The following PPP6R1 variants were observed in gnomAD, a reference collection of about 807,000 sequenced individuals.
PPP6R1 encodes serine/threonine-protein phosphatase 6 regulatory subunit 1.
Under a neutral mutation model 104.6 loss-of-function variants are expected in PPP6R1, and 39 were observed. The observed-to-expected ratio is 0.37, with a 90% confidence interval of 0.29 to 0.49. The LOEUF (loss-of-function observed/expected upper bound fraction) is 0.49, where lower values mean the gene tolerates loss of function less well. Ranked by LOEUF, PPP6R1 falls within the 20% of genes least tolerant of loss-of-function variation. The pLI is 0.98. For synonymous variants in PPP6R1, 549 were observed against 479.0 expected (o/e 1.15, Z -1.91); for missense variants, 1,181 against 1,155.8 (o/e 1.02, Z -0.32).
At position 55,258,970 on chromosome 19, in the gene PPP6R1, G is replaced by GC. The variant is rs1460744361; in HGVS notation, c.-543dup. On this transcript the variant is annotated 5_prime_UTR_variant, in exon 1 of 24. Transcript: ENST00000412770. The stretch of plus-strand genomic sequence containing the variant: ...GCTCAATCTCCGGGCTCTGCGGCCG[G>GC]CCTCAGGGCCTCCGACGCCCGGCTC... The GC allele has an allele frequency of 6.6e-6, 1 of 152,202 alleles. No homozygotes were observed. The highest frequency in any genetic ancestry group is 1.5e-5 in the Non-Finnish European group (1 of 68,068). The allele number at this position is 152,202 out of a possible 1,614,324, so 9.4% of individuals were successfully genotyped here. A position where few individuals can be genotyped will look rare whatever the true frequency, so the allele number is the denominator to read the frequency against.
intron 1 of PPP6R1, among the ~76,000 whole-genome samples, chr19:55,256,795 C>A (rs1249852856): frequency 6.6e-6 from 1 of 152,222 alleles, no homozygotes; most frequent in Non-Finnish European, 1.5e-5. Flanking sequence ...CAAGGCTGGG[C>A]AAACGAGCAA....
chr19:55,254,575 C>T (rs1270720877), intron 1 of PPP6R1, among the ~76,000 whole-genome samples: 1 of 152,194 alleles, frequency 6.6e-6, no homozygotes, highest in Non-Finnish European at 1.5e-5. Context: ...CATCTGTCAC[C>T]CCTTCCCAAC....
intron 5 of PPP6R1, among the ~76,000 whole-genome samples, chr19:55,243,390 G>A (rs537406936): frequency 2.1e-5 from 3 of 142,746 alleles, no homozygotes; most frequent in East Asian, 2.0e-4. Context: ...TCTAGACAGA[G>A]CGAGACTCCA....
In PPP6R1 at chr19:55,230,520, C is replaced by G. The variant is rs768544873; in HGVS notation, c.*8G>C. On this transcript the variant is annotated 3_prime_UTR_variant, in exon 24 of 24. Coordinates refer to ENST00000412770, the MANE Select transcript of PPP6R1 (RefSeq NM_014931.4). ...GGAAGATTTGGCCGCCGCTGCCGCA[C>G]CAGGCAGCTATCTGGAAACAGAGGG... The G allele has an allele frequency of 6.2e-7, 1 of 1,613,350 alleles. No homozygotes were observed.
rs183989966 is a variant in PPP6R1, at chr19:55,235,761, G to A, written c.1988+882C>T. The stretch of plus-strand genomic sequence containing the variant: ...TCTTGATCTCCTGACCTCGTGATCC[G>A]CCCGCCTCAGCCTCCCAAAGTGCTG... On this transcript the variant is annotated intron_variant, in intron 17 of 23. Coordinates refer to ENST00000412770, the MANE Select transcript of PPP6R1 (RefSeq NM_014931.4). Among the ~76,000 whole-genome samples the A allele has an allele frequency of 6.4e-3, 969 of 150,618 alleles. 6 individuals are homozygous for A. The highest frequency in any genetic ancestry group is 0.02 in the African/African-American group (834 of 40,960).
At chr19:55,235,519 C>CA (rs1384502711) in intron 17 of PPP6R1, among the ~76,000 whole-genome samples, 1 of 141,992 alleles carries the variant, frequency 7.0e-6, no homozygotes, top group Non-Finnish European at 1.5e-5. Context: ...AATTAGATTC[C>CA]TTTTTTTTTT....
rs751516737 is a variant in PPP6R1, at chr19:55,240,014, G to A, written c.1462C>T (p.Arg488Trp). 17 of 1,603,826 alleles carry A rather than the reference G, an allele frequency of 1.1e-5. No homozygotes were observed. Among genetic ancestry groups the A allele is most frequent in the South Asian group, 3.3e-5 (3 of 89,702 alleles). The change falls in exon 12 of 24, where the codon CGG becomes TGG. Residue 488 changes from arginine to tryptophan, a missense_variant. Arg to Trp is a moderately radical substitution (Grantham distance 101). This residue lies in a region of PPP6R1 where 1,042 missense variants were observed against 955.6 expected (regional missense o/e 1.09). Transcript: ENST00000412770. ...TEKGPNAEQL[R>W]QLLKELPSEQ... ...GGACCCTCACCCTTCAGCAGCTGCC[G>A]CAGCTGCTCTGCATTGGGCCCCTTC...
chr19:55,239,569 C>G, intron 14 of PPP6R1, 25 bp downstream of exon 14: 1 of 1,610,018 alleles, frequency 6.2e-7, no homozygotes, highest in Non-Finnish European at 8.5e-7. Context: ...TAGCCCAGCA[C>G]AGCCCCACAT....
chr19:55,236,834 G>A lies in PPP6R1; in HGVS notation c.1810-13C>T. ...GGTTGGCGTTGGGCTGCAGGGCACA[G>A]GGGTGGGAGGATGGGCCACACTGCC... On this transcript the variant is annotated splice_polypyrimidine_tract_variant and intron_variant, in intron 16 of 23. Transcript: ENST00000412770. 1 of 1,613,924 alleles carries A rather than the reference G, an allele frequency of 6.2e-7. No homozygotes were observed. Among genetic ancestry groups the A allele is most frequent in the Non-Finnish European group, 8.5e-7 (1 of 1,179,796 alleles).
chr19:55,236,275 C>T (rs1283456364), intron 17 of PPP6R1: 4 of 191,876 alleles, frequency 2.1e-5, no homozygotes, highest in Non-Finnish European at 4.3e-5. Context: ...CCACCTCAAC[C>T]TCCCGAGTAG....
At chr19:55,235,651 T>G (rs1382522616) in intron 17 of PPP6R1, among the ~76,000 whole-genome samples, 2 of 151,706 alleles carry the variant, frequency 1.3e-5, no homozygotes, top group Non-Finnish European at 2.9e-5. Flanking sequence ...CCCAAGTCGC[T>G]GGGACCACAG....
At chr19:55,242,335 A>C in intron 6 of PPP6R1, 41 bp downstream of exon 6, 1 of 1,612,356 alleles carries the variant, frequency 6.2e-7, no homozygotes, top group Non-Finnish European at 8.5e-7. Context: ...GGGCTTCCCC[A>C]AGTCAGCTCC....
In PPP6R1 at chr19:55,245,273, C is replaced by T. The variant is rs2087497227; in HGVS notation, c.544G>A (p.Val182Ile). The change falls in exon 4 of 24, where the codon GTT becomes ATT. Residue 182 changes from valine (V) to isoleucine (I), a missense_variant. By Grantham distance (29) the Val-to-Ile change is conservative. Coordinates refer to ENST00000412770, the MANE Select transcript of PPP6R1 (RefSeq NM_014931.4). This position sits in a 1 kb window ranked among gnomAD's most constrained non-coding sequence, Gnocchi z 6.4. Reference protein sequence around the residue: ...CVERPQLRQDVVNWLNEEKIV... With the variant: ...CVERPQLRQDIVNWLNEEKIV... ...GAGCCGGCCCTGCTCACATTGACAACATCCTGCCTCAGCTGAGGCCGCTCC... is the reference window on the plus strand; with the variant it reads ...GAGCCGGCCCTGCTCACATTGACAATATCCTGCCTCAGCTGAGGCCGCTCC... 1.3e-6 allele frequency: 2 copies of T among 1,597,194 alleles called. No homozygotes were observed. The highest frequency in any genetic ancestry group is 4.5e-5 in the East Asian group (2 of 44,044).
chr19:55,256,323 G>C (rs546387719), intron 1 of PPP6R1, among the ~76,000 whole-genome samples: 5 of 152,218 alleles, frequency 3.3e-5, no homozygotes, highest in Admixed American at 1.3e-4. Flanking sequence ...GGTTCTTTTC[G>C]GTGTTGGGGC....
At chr19:55,232,675 G>A (rs1470188316) in intron 17 of PPP6R1, 1 of 161,770 alleles carries the variant, frequency 6.2e-6, no homozygotes. Context: ...AGAGATGGCT[G>A]AGTTTTGCCA....
In PPP6R1 at chr19:55,246,897, A is replaced by T; in HGVS notation, c.207T>A (p.Gly69=). The part of the protein sequence containing the change: ...AWVTQEPPDS[G]EERLRYKYPS... ...CTCACTTGTAGCGCAGCCGCTCCTC[A>T]CCGCTATCTGGCGGCTCCTGGGTGA... Residue 69 remains glycine, a synonymous_variant, in exon 2 of 24, where the codon GGT becomes GGA. Transcript: ENST00000412770. 6.2e-7 allele frequency: 1 copy of T among 1,609,886 alleles called. No homozygotes were observed. The highest frequency in any genetic ancestry group is 8.5e-7 in the Non-Finnish European group (1 of 1,177,888).
chr19:55,231,651 G>T lies in PPP6R1; in HGVS notation c.2324C>A (p.Pro775His). Residue 775 changes from proline (P) to histidine (H), a missense_variant, in exon 20 of 24, where the codon CCC becomes CAC. By Grantham distance (77) the Pro-to-His change is moderately conservative (BLOSUM62 -2). Transcript: ENST00000412770. ...TGTGGCTTCCTGAGGTGCTGAGGGGGGTGTGGGGTCCTGAGACCTGGTAGG... is the reference window on the plus strand; with the variant it reads ...TGTGGCTTCCTGAGGTGCTGAGGGGTGTGTGGGGTCCTGAGACCTGGTAGG... Reference protein sequence around the residue: ...ALQLRSQDPTPPSAPQEATEG... With the variant: ...ALQLRSQDPTHPSAPQEATEG... 6.2e-7 allele frequency: 1 copy of T among 1,609,774 alleles called. No individual in the cohort carries two copies. Among genetic ancestry groups the T allele is most frequent in the Non-Finnish European group, 8.5e-7 (1 of 1,177,910 alleles).
At position 55,236,744 on chromosome 19, in the gene PPP6R1, C is replaced by A; in HGVS notation, c.1887G>T (p.Glu629Asp). The A allele has an allele frequency of 6.2e-7, 1 of 1,613,980 alleles. No individual in the cohort carries two copies. Among genetic ancestry groups the A allele is most frequent in the Non-Finnish European group, 8.5e-7 (1 of 1,179,874 alleles). Residue 629 changes from glutamate (E) to aspartate (D), a missense_variant, in exon 17 of 24, where the codon GAG becomes GAT. Glu to Asp is a conservative substitution (Grantham distance 45). This residue lies in a region of PPP6R1 where 1,042 missense variants were observed against 955.6 expected (regional missense o/e 1.09). Coordinates refer to ENST00000412770, the MANE Select transcript of PPP6R1 (RefSeq NM_014931.4). ...ACTCCCCTGAGCCCTGGGCCTCTTC[C>A]TCGTCCTCCTCTTCCTCATCATCAT... ...QFDDDEEEED[E>D]EEAQGSGESD...
In PPP6R1 at chr19:55,241,682, C is replaced by A; in HGVS notation, c.846-43G>T. The A allele has an allele frequency of 6.6e-7, 1 of 1,508,236 alleles. No individual in the cohort carries two copies. Among genetic ancestry groups the A allele is most frequent in the South Asian group, 1.3e-5 (1 of 77,262 alleles). 93.4% of individuals were successfully genotyped at this position (1,508,236 alleles called of 1,614,324 possible). A position where few individuals can be genotyped will look rare whatever the true frequency, so the allele number is the denominator to read the frequency against. ...CGAAGGCGGAGTGAGCCTAGATGGC[C>A]TGTGCGCCCACACAGGAGTAGGCAC... On this transcript the variant is annotated intron_variant, in intron 7 of 23. Transcript: ENST00000412770. This position sits in a 1 kb window ranked among gnomAD's most constrained non-coding sequence, Gnocchi z 5.4.
Sources: allele counts gnomAD v4.1 joint callset (sites outside exome capture counted in the v4.1 genomes callset), GRCh38; gene constraint gnomAD v4.1.1; regional missense constraint gnomAD v4.1.1; non-coding constraint Gnocchi (gnomAD v3.1); transcripts MANE v1.5; gene names NCBI Gene and HGNC (gene_info 2026-07-23, HGNC 2026-07-21).